The following TATDN2 variants were observed in gnomAD, a reference collection of about 807,000 sequenced individuals.
The protein encoded by TATDN2 is 3'-5' RNA nuclease TATDN2.
TATDN2 carries 44 observed loss-of-function variants against 60.3 expected under a neutral mutation model. The observed-to-expected ratio is 0.73, with a 90% confidence interval of 0.57 to 0.94. TATDN2 has a LOEUF of 0.94. Among genes scored for constraint, TATDN2 ranks in the 40% least tolerant of loss-of-function variants. The pLI is 0.00. For synonymous variants in TATDN2, 399 were observed against 355.8 expected, an observed-to-expected ratio of 1.12 and a Z score of -1.37; for missense variants, 997 against 948.0, an observed-to-expected ratio of 1.05 and a Z score of -0.68.
intron 4 of TATDN2, among the ~76,000 whole-genome samples, chr3:10,272,506 T>C (rs1054839112): frequency 3.3e-5 from 5 of 151,334 alleles, no homozygotes; most frequent in African/African-American, 9.7e-5. Flanking sequence ...TCGCATGATA[T>C]TGGCTCACTG....
chr3:10,274,145 G>C (rs1439566611), intron 4 of TATDN2, among the ~76,000 whole-genome samples: 1 of 152,118 alleles, frequency 6.6e-6, no homozygotes, highest in Non-Finnish European at 1.5e-5. Context: ...TTGTTTTTCA[G>C]CTGGGTTCCT....
chr3:10,275,474 A>C (rs1052867601), intron 4 of TATDN2, among the ~76,000 whole-genome samples: 1 of 152,184 alleles, frequency 6.6e-6, no homozygotes, highest in Non-Finnish European at 1.5e-5. Context: ...TTGGCCGGGC[A>C]TGGCGGCTCA....
intron 2 of TATDN2, among the ~76,000 whole-genome samples, chr3:10,253,591 A>C (rs548978118): frequency 6.6e-6 from 1 of 152,212 alleles, no homozygotes; most frequent in Non-Finnish European, 1.5e-5. Flanking sequence ...TTACTATGAC[A>C]TCTAAATGTC....
At position 10,270,838 on chromosome 3, in the gene TATDN2, G is replaced by T; in HGVS notation, c.1656G>T (p.Leu552Phe). Residue 552 changes from leucine to phenylalanine, a missense_variant, in exon 4 of 8, where the codon TTG becomes TTT. Leu to Phe is a conservative substitution (Grantham distance 22, BLOSUM62 0). Coordinates refer to ENST00000448281, the MANE Select transcript of TATDN2 (RefSeq NM_014760.4). ...CAGATTGCCTATGGGAGGAGCTGTTGAAAGAGGATCTGGTCTGGGGGGCCT... is the reference window on the plus strand; with the variant it reads ...CAGATTGCCTATGGGAGGAGCTGTTTAAAGAGGATCTGGTCTGGGGGGCCT... ...TLTDCLWEEL[L>F]KEDLVWGAFG... 6.2e-7 allele frequency: 1 copy of T among 1,614,174 alleles called. No homozygotes were observed. The highest frequency in any genetic ancestry group is 8.5e-7 in the Non-Finnish European group (1 of 1,180,024).
intron 2 of TATDN2, among the ~76,000 whole-genome samples, chr3:10,251,821 A>G (rs1698235784): frequency 6.6e-6 from 1 of 151,112 alleles, no homozygotes; most frequent in Non-Finnish European, 1.5e-5. Flanking sequence ...AGGTGAGAAT[A>G]TGGGCATGTG....
chr3:10,255,343 A>G (rs945594472), intron 2 of TATDN2, among the ~76,000 whole-genome samples: 4 of 151,226 alleles, frequency 2.6e-5, no homozygotes, highest in Admixed American at 1.3e-4. Context: ...ATATTTCATT[A>G]CTCCTTTCCC....
chr3:10,278,412 C>G lies in TATDN2; in HGVS notation c.2095C>G (p.Leu699Val). 1 of 1,614,120 alleles carries G rather than the reference C, an allele frequency of 6.2e-7. No individual in the cohort carries two copies. Residue 699 changes from leucine to valine, a missense_variant, in exon 6 of 8, where the codon CTG (leucine) becomes GTG (valine). By Grantham distance (32) the Leu-to-Val change is conservative. Coordinates refer to ENST00000448281, the MANE Select transcript of TATDN2 (RefSeq NM_014760.4). This position sits in a 1 kb window ranked among gnomAD's most constrained non-coding sequence, Gnocchi z 4.7. ...EAREALRQIP[L>V]ERIIVETDAP... ...CCGGGAAGCCTTGAGGCAGATCCCA[C>G]TGGAGAGAATCATCGTGGAAACGGA...
Position 10,279,032 on chromosome 3 carries a change from A to G in TATDN2, c.*7A>G. 1 of 1,613,992 alleles carries G rather than the reference A, an allele frequency of 6.2e-7. No homozygotes were observed. Among genetic ancestry groups the G allele is most frequent in the Non-Finnish European group, 8.5e-7 (1 of 1,179,942 alleles). On this transcript the variant is annotated 3_prime_UTR_variant, in exon 7 of 8. Transcript: ENST00000448281. ...TCGCCTCTACAGTCTTTAAGCAGAG[A>G]AGGTACAGTCCTCGGGAGTCTCCTA...
At chr3:10,270,036 G>A in intron 3 of TATDN2, 95 bp from the exon 4 acceptor site, 2 of 1,477,028 alleles carry the variant, frequency 1.4e-6, no homozygotes, top group East Asian at 2.3e-5. Flanking sequence ...ATGGCCAGAA[G>A]AACAAGCCAG....
chr3:10,278,225 G>A lies in TATDN2; in HGVS notation c.1962-54G>A. 1 of 1,569,636 alleles carries A rather than the reference G, an allele frequency of 6.4e-7. No individual in the cohort carries two copies. Among genetic ancestry groups the A allele is most frequent in the Non-Finnish European group, 8.7e-7 (1 of 1,149,746 alleles). ...GGGGTGATGGGTGTGGGGGGAGCTG[G>A]GGGCTGCTGCAGAGGGGACTGTGAG... On this transcript the variant is annotated intron_variant, in intron 5 of 7. Coordinates refer to ENST00000448281, the MANE Select transcript of TATDN2 (RefSeq NM_014760.4). This position sits in a 1 kb window ranked among gnomAD's most constrained non-coding sequence, Gnocchi z 4.7.
rs368925531 is a variant in TATDN2, at chr3:10,249,256, G to A, written c.56G>A (p.Cys19Tyr). 6.4e-7 allele frequency: 1 copy of A among 1,570,212 alleles called. No individual in the cohort carries two copies. The highest frequency in any genetic ancestry group is 8.6e-7 in the Non-Finnish European group (1 of 1,156,854). ...AACTGGAGCAGCACGTCGGAAGGGT[G>A]TCCCCGCAAGCGCAGCTGCCTCCGG... The part of the protein sequence containing the change: ...KHNWSSTSEG[C>Y]PRKRSCLREP... The change falls in exon 2 of 8, where the codon TGT becomes TAT. Residue 19 changes from cysteine to tyrosine, a missense_variant. Transcript: ENST00000448281.
At chr3:10,259,934 A>G (rs1302339927) in intron 2 of TATDN2, among the ~76,000 whole-genome samples, 1 of 152,170 alleles carries the variant, frequency 6.6e-6, no homozygotes, top group African/African-American at 2.4e-5. Flanking sequence ...TCATCTGCTG[A>G]GCATGAGAAG....
chr3:10,260,322 A>G lies in TATDN2; in HGVS notation c.600A>G (p.Pro200=), dbSNP rs371526622. ...AGGGCATCCTGGGGAAATCGATGCC[A>G]AAAAGGAAGGGAGAGGCTGCCACTC... ...AIQGILGKSM[P]KRKGEAATRA... is the part of the protein sequence containing the mutation. The change falls in exon 3 of 8, where the codon CCA becomes CCG. Residue 200 remains proline, a synonymous_variant. Coordinates refer to ENST00000448281, the MANE Select transcript of TATDN2 (RefSeq NM_014760.4). 1.1e-4 allele frequency: 181 copies of G among 1,614,068 alleles called. No individual in the cohort carries two copies. Among genetic ancestry groups the G allele is most frequent in the Non-Finnish European group, 1.5e-4 (175 of 1,180,040 alleles).
intron 3 of TATDN2, among the ~76,000 whole-genome samples, chr3:10,261,015 A>G (rs1698394173): frequency 6.6e-6 from 1 of 152,190 alleles, no homozygotes; most frequent in African/African-American, 2.4e-5. Context: ...TTTTGTCTTG[A>G]TTCTCTATCA....
intron 2 of TATDN2, among the ~76,000 whole-genome samples, chr3:10,251,374 A>G (rs1441735055): frequency 6.6e-6 from 1 of 152,094 alleles, no homozygotes; most frequent in Admixed American, 6.6e-5. Flanking sequence ...TCTAAGGGAC[A>G]ATTCCCTTAG....
chr3:10,276,268 C>A, intron 4 of TATDN2, 93 bp from the exon 5 acceptor site: 1 of 1,482,646 alleles, frequency 6.7e-7, no homozygotes, highest in Non-Finnish European at 9.1e-7. Context: ...AAAAGAGAGA[C>A]ACAGGGGGTG....
chr3:10,278,599 C>G lies in TATDN2; in HGVS notation c.2145+137C>G. ...CCTGGGCTGTGTAGATGCCTCCTTG[C>G]TGTTACTCTGCAGAACCAAAAGTCT... On this transcript the variant is annotated intron_variant, in intron 6 of 7. Transcript: ENST00000448281. This position sits in a 1 kb window ranked among gnomAD's most constrained non-coding sequence, Gnocchi z 4.7. 2 of 1,229,970 alleles carry G rather than the reference C, an allele frequency of 1.6e-6. No individual in the cohort carries two copies. The highest frequency in any genetic ancestry group is 2.4e-6 in the Non-Finnish European group (2 of 846,498). The allele number at this position is 1,229,970 out of a possible 1,614,324, so 76.2% of individuals were successfully genotyped here.
intron 3 of TATDN2, among the ~76,000 whole-genome samples, chr3:10,264,309 T>G (rs999695182): frequency 1.3e-5 from 2 of 152,206 alleles, no homozygotes; most frequent in East Asian, 1.9e-4. Flanking sequence ...AGCCTTCTCT[T>G]GGTCTGCCAG....
intron 2 of TATDN2, 117 bp downstream of exon 2, chr3:10,249,731 A>G: frequency 8.1e-7 from 1 of 1,235,550 alleles, no homozygotes; most frequent in Non-Finnish European, 1.0e-6. Flanking sequence ...AAGGTCTGGA[A>G]GGTCTTTCTA....
Sources: gnomAD v4.1 joint callset for allele counts (sites outside exome capture counted in the v4.1 genomes callset) on GRCh38, gnomAD v4.1.1 for gene constraint, Gnocchi (gnomAD v3.1) non-coding constraint, MANE v1.5 for transcripts, NCBI Gene and HGNC (gene_info 2026-07-23, HGNC 2026-07-21) for gene names.